The following ZC3H18 variants were observed in gnomAD, a reference collection of about 807,000 sequenced individuals.
ZC3H18 encodes zinc finger CCCH domain-containing protein 18.
A neutral mutation model predicts 106.1 loss-of-function variants in ZC3H18; 8 were observed. The observed-to-expected ratio is 0.08, with a 90% CI of 0.04 to 0.14. The LOEUF is 0.14. Among genes scored for constraint, ZC3H18 ranks in the 10% least tolerant of loss-of-function variants. The probability of loss-of-function intolerance (pLI) is 1.00; values close to 1 mark genes in which losing one functional copy is unlikely to be tolerated. For synonymous variants in ZC3H18, 635 were observed against 522.1 expected, an observed-to-expected ratio of 1.22 and a Z score of -2.95; for missense variants, 1,318 against 1,278.4, an observed-to-expected ratio of 1.03 and a Z score of -0.47.
intron 2 of ZC3H18, among the ~76,000 whole-genome samples, chr16:88,583,351 G>C (rs1291859238): frequency 6.6e-6 from 1 of 152,258 alleles, no homozygotes. Context: ...TGAAATGGAG[G>C]ACTCAGGCGC....
intron 6 of ZC3H18, among the ~76,000 whole-genome samples, chr16:88,604,434 C>T (rs1010792209): frequency 6.6e-6 from 1 of 152,088 alleles, no homozygotes; most frequent in Non-Finnish European, 1.5e-5. Context: ...CGCCTGTAAT[C>T]CCAGCACTCT....
At chr16:88,612,637 C>G (rs1306801773) in intron 8 of ZC3H18, among the ~76,000 whole-genome samples, 1 of 148,124 alleles carries the variant, frequency 6.8e-6, no homozygotes, top group Admixed American at 6.7e-5. Context: ...TACAATCGCA[C>G]GGCTGCACTC....
In ZC3H18 at chr16:88,586,589, C is replaced by T. The variant is rs756067204; in HGVS notation, c.604-11C>T. 6.2e-7 allele frequency: 1 copy of T among 1,613,528 alleles called. No individual in the cohort carries two copies. Among genetic ancestry groups the T allele is most frequent in the East Asian group, 2.2e-5 (1 of 44,874 alleles). On this transcript the variant is annotated splice_polypyrimidine_tract_variant and intron_variant, in intron 2 of 17. Transcript: ENST00000301011. ...GCCTCCCCCACGCTAAGACGGTGTT[C>T]TCTGTTTCAGGATGATGACCTGGAA...
intron 3 of ZC3H18, among the ~76,000 whole-genome samples, chr16:88,592,167 G>A (rs898252405): frequency 2.0e-5 from 3 of 152,178 alleles, no homozygotes; most frequent in African/African-American, 7.2e-5. Flanking sequence ...GTTTCTCCAC[G>A]TCCTCACCAT....
At chr16:88,580,154 ATCTGTGTG>A (rs1567576996) in intron 2 of ZC3H18, among the ~76,000 whole-genome samples, 5 of 132,026 alleles carry the variant, frequency 3.8e-5, no homozygotes, top group African/African-American at 1.5e-4. Flanking sequence ...ACACAGGTTC[ATCTGTGTG>A]TGTGTGTGTG....
chr16:88,580,155 TCTGTG>T (rs762563016), intron 2 of ZC3H18, among the ~76,000 whole-genome samples: 54 of 136,248 alleles, frequency 4.0e-4, no homozygotes, highest in Non-Finnish European at 7.0e-4. Context: ...CACAGGTTCA[TCTGTG>T]TGTGTGTGTG....
intron 2 of ZC3H18, among the ~76,000 whole-genome samples, chr16:88,581,870 C>A (rs990059884): frequency 4.0e-4 from 61 of 152,238 alleles, no homozygotes; most frequent in Non-Finnish European, 1.8e-4. Flanking sequence ...TTTGCCGTTA[C>A]AGTTGAGAGG....
chr16:88,624,349 T>C (rs1373276143), intron 11 of ZC3H18: 17 of 664,216 alleles, frequency 2.6e-5, no homozygotes, highest in Non-Finnish European at 4.3e-5. Flanking sequence ...TAGCCTGCTC[T>C]CCCCACTGCC....
chr16:88,604,589 G>T (rs1481696467), intron 6 of ZC3H18, among the ~76,000 whole-genome samples: 1 of 151,512 alleles, frequency 6.6e-6, no homozygotes, highest in East Asian at 2.0e-4. Flanking sequence ...GGGAGGCTGA[G>T]GCAGGAGAAT....
chr16:88,622,618 C>T, intron 9 of ZC3H18: 1 of 523,674 alleles, frequency 1.9e-6, no homozygotes, highest in Non-Finnish European at 3.3e-6. Flanking sequence ...ACCCCGGCGA[C>T]TGAGCCTGAC....
intron 8 of ZC3H18, among the ~76,000 whole-genome samples, chr16:88,614,017 A>T (rs1597350093): frequency 6.6e-6 from 1 of 152,218 alleles, no homozygotes; most frequent in East Asian, 1.9e-4. Context: ...GGTGAAATGC[A>T]AGGAGGGATC....
At chr16:88,595,474 CTTTTTT>C (rs11302563) in intron 3 of ZC3H18, among the ~76,000 whole-genome samples, 52 of 133,568 alleles carry the variant, frequency 3.9e-4, no homozygotes, top group African/African-American at 1.3e-3. Flanking sequence ...TTCTTTCTTT[CTTTTTT>C]TTTTTTTTTT....
chr16:88,631,303 G>T lies in ZC3H18; in HGVS notation c.*4G>T. 1 of 1,573,108 alleles carries T rather than the reference G, an allele frequency of 6.4e-7. No homozygotes were observed. The highest frequency in any genetic ancestry group is 1.1e-5 in the South Asian group (1 of 87,268). On this transcript the variant is annotated 3_prime_UTR_variant, in exon 18 of 18. Coordinates refer to ENST00000301011, the MANE Select transcript of ZC3H18 (RefSeq NM_144604.4). ...CAAGATCCCCGGGAAAGCATAGGCC[G>T]TGCCCCGACCGGACTGGACGCATTT...
chr16:88,620,579 A>G (rs1905893542), intron 8 of ZC3H18, among the ~76,000 whole-genome samples: 1 of 148,586 alleles, frequency 6.7e-6, no homozygotes, highest in East Asian at 1.9e-4. Flanking sequence ...CCCTGTCTCT[A>G]AAAAAGAAAA....
intron 8 of ZC3H18, among the ~76,000 whole-genome samples, chr16:88,619,273 CAAAAAAA>C (rs1013036973): frequency 2.0e-5 from 3 of 151,162 alleles, no homozygotes. Flanking sequence ...GGCTCTGTCT[CAAAAAAA>C]AGAAAAAAGG....
intron 7 of ZC3H18, among the ~76,000 whole-genome samples, chr16:88,609,421 C>G (rs1464044452): frequency 6.6e-6 from 1 of 151,994 alleles, no homozygotes; most frequent in Non-Finnish European, 1.5e-5. Flanking sequence ...CCTCAGCCTC[C>G]CGAGTAGCTG....
intron 2 of ZC3H18, among the ~76,000 whole-genome samples, chr16:88,585,468 C>T (rs1165663728): frequency 6.6e-6 from 1 of 152,214 alleles, no homozygotes. Flanking sequence ...CAGGGTTCAG[C>T]CAGGCAGGTG....
At chr16:88,625,173 C>T (rs772686190) in intron 12 of ZC3H18, 29 bp from the exon 13 acceptor site, 3 of 1,560,594 alleles carry the variant, frequency 1.9e-6, no homozygotes, top group South Asian at 1.2e-5. Context: ...GGCCACGCCC[C>T]CTGAGCCCCG....
chr16:88,612,946 T>C (rs1191915988), intron 8 of ZC3H18, among the ~76,000 whole-genome samples: 3 of 152,174 alleles, frequency 2.0e-5, no homozygotes, highest in African/African-American at 7.2e-5. Flanking sequence ...GAGGTTGCAG[T>C]GAGCTGAGAT....
Sources: allele counts gnomAD v4.1 joint callset (sites outside exome capture counted in the v4.1 genomes callset), GRCh38; gene constraint gnomAD v4.1.1; transcripts MANE v1.5; gene names NCBI Gene and HGNC (gene_info 2026-07-23, HGNC 2026-07-21).